Variants in MGAT4C observed in about 807,000 individuals in gnomAD.
MGAT4C encodes the protein alpha-1,3-mannosyl-glycoprotein 4-beta-N-acetylglucosaminyltransferase C.
A neutral mutation model predicts 40.1 loss-of-function variants in MGAT4C; 19 were observed. The ratio of observed to expected loss-of-function variants is 0.47; its 90% confidence interval spans 0.33 to 0.70. The LOEUF (loss-of-function observed/expected upper bound fraction) is 0.70. Ranked by LOEUF, MGAT4C falls within the 30% of genes least tolerant of loss-of-function variation. The pLI, the probability that MGAT4C is intolerant of heterozygous loss-of-function variation, is 0.02. For missense variants in MGAT4C, 491 were observed against 563.2 expected (o/e 0.87, Z 1.30); for synonymous variants, 181 against 187.1 (o/e 0.97, Z 0.27).
chr12:86,241,078 A>G (rs918199843), intron 1 of MGAT4C, among the ~76,000 whole-genome samples: 1 of 152,194 alleles, frequency 6.6e-6, no homozygotes, highest in Non-Finnish European at 1.5e-5. Context: ...GCAAAAAAAT[A>G]ATACACAGGT....
In MGAT4C at chr12:86,028,838, T is replaced by C. The variant is rs577077892; in HGVS notation, c.-7+20836A>G. On this transcript the variant is annotated intron_variant, in intron 2 of 4. Coordinates refer to ENST00000611864, the MANE Select transcript of MGAT4C (RefSeq NM_001351288.2). ...AAAGTAAATAAGTGGGGGAAATCCA[T>C]ATTATGACTAAGAAATGATATAAGA... 1.1e-4 allele frequency among the ~76,000 whole-genome samples: 17 copies of C among 152,068 alleles called. No individual in the cohort carries two copies. In the East Asian group the frequency reaches 1.7e-3, roughly 16 times the overall value.
chr12:86,198,108 T>C (rs1949893625), intron 1 of MGAT4C, among the ~76,000 whole-genome samples: 1 of 152,186 alleles, frequency 6.6e-6, no homozygotes, highest in Non-Finnish European at 1.5e-5. Flanking sequence ...TTCAGAACAC[T>C]GGCTAATGGA....
At chr12:86,185,461 C>G (rs898583463) in intron 1 of MGAT4C, among the ~76,000 whole-genome samples, 1 of 152,078 alleles carries the variant, frequency 6.6e-6, no homozygotes, top group Non-Finnish European at 1.5e-5. Flanking sequence ...CAGCATTTAG[C>G]AAGTCTTGGG....
chr12:86,508,311 TG>T (rs1169642940), intron 2 of MGAT4C, among the ~76,000 whole-genome samples: 1 of 152,098 alleles, frequency 6.6e-6, no homozygotes, highest in African/African-American at 2.4e-5. Context: ...ATGCGGTGTT[TG>T]GTTTTTTGTT....
intron 1 of MGAT4C, among the ~76,000 whole-genome samples, chr12:86,170,214 A>G (rs1886665407): frequency 1.3e-5 from 2 of 152,212 alleles, no homozygotes; most frequent in Admixed American, 1.3e-4. Context: ...GACAGTCTTG[A>G]GCAAGAAAAG....
At chr12:86,638,552 C>A (rs1963290046) in intron 2 of MGAT4C, among the ~76,000 whole-genome samples, 1 of 151,734 alleles carries the variant, frequency 6.6e-6, no homozygotes, top group Non-Finnish European at 1.5e-5. Context: ...CTTTTATTCT[C>A]TATGCTTTTT....
At chr12:86,341,536 G>A (rs1300013725) in intron 3 of MGAT4C, among the ~76,000 whole-genome samples, 1 of 152,210 alleles carries the variant, frequency 6.6e-6, no homozygotes, top group Non-Finnish European at 1.5e-5. Flanking sequence ...CATTTCCAGA[G>A]CACCTCACAA....
In MGAT4C at chr12:86,390,058, G is replaced by C. The variant is rs1956136554; in HGVS notation, c.-120+45099C>G. Among the ~76,000 whole-genome samples, 3 of 152,136 alleles carry C rather than the reference G, an allele frequency of 2.0e-5. No individual in the cohort carries two copies. The South Asian group carries it at 6.2e-4, about 31-fold the overall frequency. ...CAACATTACATTCAGCCAGTTTCCA[G>C]AGTGAAACTCATGATTCAGCTGACC... On this transcript the variant is annotated intron_variant, in intron 3 of 7. Coordinates refer to the MGAT4C transcript ENST00000548651.
At chr12:86,549,973 C>A (rs1328756525) in intron 2 of MGAT4C, among the ~76,000 whole-genome samples, 1 of 152,058 alleles carries the variant, frequency 6.6e-6, no homozygotes, top group Admixed American at 6.6e-5. Flanking sequence ...CCCCACATGT[C>A]CAGGGAGGAA....
At chr12:86,434,915 A>T (rs1957111327) in intron 3 of MGAT4C, among the ~76,000 whole-genome samples, 1 of 151,924 alleles carries the variant, frequency 6.6e-6, no homozygotes, top group African/African-American at 2.4e-5. Flanking sequence ...ACTCAACAGA[A>T]GAGTAGTTTA....
intron 2 of MGAT4C, among the ~76,000 whole-genome samples, chr12:86,545,102 T>A (rs1195192550): frequency 6.6e-6 from 1 of 152,048 alleles, no homozygotes; most frequent in African/African-American, 2.4e-5. Flanking sequence ...AATTAGGTGA[T>A]GATCATTCAA....
At chr12:85,985,676 T>G (rs1885122680) in intron 3 of MGAT4C, among the ~76,000 whole-genome samples, 1 of 152,148 alleles carries the variant, frequency 6.6e-6, no homozygotes, top group Non-Finnish European at 1.5e-5. Flanking sequence ...AGAAATATAC[T>G]AATTGGCTAT....
intron 2 of MGAT4C, among the ~76,000 whole-genome samples, chr12:86,700,148 GAC>G: frequency 5.9e-5 from 1 of 16,878 alleles, no homozygotes; most frequent in South Asian, 3.0e-3. Context: ...TAGACAGACA[GAC>G]AGACAGACAG....
chr12:86,487,656 AT>A (rs1206960721), intron 2 of MGAT4C, among the ~76,000 whole-genome samples: 5 of 152,182 alleles, frequency 3.3e-5, no homozygotes, highest in Non-Finnish European at 1.5e-5. Flanking sequence ...ATAATATGTC[AT>A]TTTAAGGTAA....
chr12:86,181,365 G>A (rs907820178), intron 1 of MGAT4C, among the ~76,000 whole-genome samples: 2 of 152,100 alleles, frequency 1.3e-5, no homozygotes, highest in African/African-American at 4.8e-5. Context: ...TGATACTGAT[G>A]TCAATATAAA....
rs375402153 is a variant in MGAT4C, at chr12:86,093,695, T to C, written c.-56-43972A>G. 2.7e-4 allele frequency among the ~76,000 whole-genome samples: 41 copies of C among 152,000 alleles called. 1 individual carries two copies. The South Asian group carries it at 8.3e-3, about 31-fold the overall frequency. Reference sequence around the variant, plus strand: ...GTGAGCTATGATCGCACCACTGCACTCTAGCCTGGGCAAGGCAGAGTGAGA... The same window carrying C: ...GTGAGCTATGATCGCACCACTGCACCCTAGCCTGGGCAAGGCAGAGTGAGA... On this transcript the variant is annotated intron_variant, in intron 1 of 4. Transcript: ENST00000611864.
intron 3 of MGAT4C, among the ~76,000 whole-genome samples, chr12:86,366,321 T>C (rs1394492711): frequency 6.6e-6 from 1 of 152,220 alleles, no homozygotes; most frequent in Non-Finnish European, 1.5e-5. Context: ...AATCATATCA[T>C]CATTAAAGAG....
chr12:86,581,962 A>G (rs996249121), intron 2 of MGAT4C, among the ~76,000 whole-genome samples: 1 of 151,650 alleles, frequency 6.6e-6, no homozygotes, highest in Admixed American at 6.6e-5. Context: ...AAGCAAAGAT[A>G]CAGTCCGTGT....
intron 1 of MGAT4C, among the ~76,000 whole-genome samples, chr12:86,243,854 C>T (rs1951901912): frequency 6.6e-6 from 1 of 152,110 alleles, no homozygotes; most frequent in African/African-American, 2.4e-5. Flanking sequence ...AATGAAACTG[C>T]AAGATAATAA....
Sources: allele counts gnomAD v4.1 joint callset (sites outside exome capture counted in the v4.1 genomes callset), GRCh38; gene constraint gnomAD v4.1.1; transcripts MANE v1.5; gene names NCBI Gene and HGNC (gene_info 2026-07-23, HGNC 2026-07-21).